Variants in CAMK2G observed in about 807,000 individuals in gnomAD.
The protein encoded by CAMK2G is calcium/calmodulin dependent protein kinase II gamma.
Under a neutral mutation model 88.7 loss-of-function variants are expected in CAMK2G, and 23 were observed. The ratio of observed to expected loss-of-function variants is 0.26; its 90% CI spans 0.19 to 0.37. The LOEUF (loss-of-function observed/expected upper bound fraction) is 0.37. Ranked by LOEUF, CAMK2G falls within the 10% of genes least tolerant of loss-of-function variation. The pLI is 1.00. For missense variants in CAMK2G, 476 were observed against 780.8 expected (o/e 0.61, Z 4.65); for synonymous variants, 263 against 294.8 (o/e 0.89, Z 1.11).
chr10:73,857,084 TG>T (rs2095090472), intron 3 of CAMK2G, among the ~76,000 whole-genome samples: 1 of 152,154 alleles, frequency 6.6e-6, no homozygotes, highest in Non-Finnish European at 1.5e-5. Context: ...ACCCCCACCA[TG>T]GGGGCAGGGA....
rs930318684 is a variant in CAMK2G, at chr10:73,831,737, G to A, written c.1054-3616C>T. On this transcript the variant is annotated intron_variant, in intron 14 of 22. Coordinates refer to ENST00000423381, the MANE Select transcript of CAMK2G (RefSeq NM_001367534.1). ...CAGCCGGGCGTGGTGGCACATGCCCGTATTCCCAGCTACTCAGGAGGCTGA... is the reference window on the plus strand; with the variant it reads ...CAGCCGGGCGTGGTGGCACATGCCCATATTCCCAGCTACTCAGGAGGCTGA... Among the ~76,000 whole-genome samples the A allele has an allele frequency of 5.3e-5, 8 of 151,214 alleles. No homozygotes were observed. In the East Asian group the frequency reaches 1.2e-3, roughly 22 times the overall value.
chr10:73,873,281 G>A, intron 1 of CAMK2G, 198 bp from the exon 2 acceptor site: 1 of 1,204,266 alleles, frequency 8.3e-7, no homozygotes, highest in Non-Finnish European at 1.1e-6. Context: ...CTGAACAGAT[G>A]TGGGTGGCGT....
At chr10:73,827,184 C>A (rs1249198953) in intron 15 of CAMK2G, among the ~76,000 whole-genome samples, 1 of 152,204 alleles carries the variant, frequency 6.6e-6, no homozygotes, top group Non-Finnish European at 1.5e-5. Context: ...AGTGGCCCCA[C>A]CTCTGGTTTA....
Position 73,848,726 on chromosome 10 carries a change from C to T in CAMK2G, c.518-117G>A, listed in dbSNP as rs2094422145. ...CTGCTGCTTTTGCTACATAAACTCT[C>T]AGCACATGGGCAGCAAGAGCTGACA... On this transcript the variant is annotated intron_variant, in intron 7 of 22. Coordinates refer to ENST00000423381, the MANE Select transcript of CAMK2G (RefSeq NM_001367534.1). This position sits in a 1 kb window ranked among gnomAD's most constrained non-coding sequence, Gnocchi z 4.5. The T allele has an allele frequency of 7.4e-6, 5 of 678,744 alleles. No individual in the cohort carries two copies. The highest frequency in any genetic ancestry group is 1.3e-5 in the Non-Finnish European group (5 of 384,472). 42.0% of individuals were successfully genotyped at this position (678,744 alleles called of 1,614,324 possible).
rs1041997142 is a variant in CAMK2G at position 73,815,095 on chromosome 10, G to T, written c.1687C>A (p.Arg563=). 1 of 1,614,090 alleles carries T rather than the reference G, an allele frequency of 6.2e-7. No homozygotes were observed. The highest frequency in any genetic ancestry group is 1.3e-5 in the African/African-American group (1 of 74,948). Residue 563 remains arginine (R), a synonymous_variant, in exon 22 of 23, where the codon CGG becomes AGG. Coordinates refer to ENST00000423381, the MANE Select transcript of CAMK2G (RefSeq NM_001367534.1). ...TTGCCATCCCGACGGTGCCAGACCC[G>T]GGTCTCTTCTGACTGGCTGGTGCGA... The part of the protein sequence containing the change: ...RPRTSQSEET[R]VWHRRDGKWL...
intron 21 of CAMK2G, chr10:73,816,528 T>G: frequency 1.2e-6 from 1 of 817,934 alleles, no homozygotes; most frequent in Non-Finnish European, 1.6e-6. Context: ...TGGCCTGATC[T>G]TGGCTCACTG....
At position 73,853,262 on chromosome 10, in the gene CAMK2G, T is replaced by C. The variant is rs1244072942; in HGVS notation, c.221-16A>G. ...TGGAGGCGCACTGCAAGAGAGGAGA[T>C]GGGGACAGAGATTAACAGAGAGAAA... On this transcript the variant is annotated splice_polypyrimidine_tract_variant and intron_variant, in intron 3 of 22. Coordinates refer to ENST00000423381, the MANE Select transcript of CAMK2G (RefSeq NM_001367534.1). 3 of 1,611,588 alleles carry C rather than the reference T, an allele frequency of 1.9e-6. No individual in the cohort carries two copies. The highest frequency in any genetic ancestry group is 2.2e-5 in the South Asian group (2 of 91,016).
In CAMK2G at chr10:73,847,297, G is replaced by A; in HGVS notation, c.747C>T (p.Ile249=). 1.2e-6 allele frequency: 2 copies of A among 1,614,156 alleles called. No homozygotes were observed. The highest frequency in any genetic ancestry group is 1.7e-6 in the Non-Finnish European group (2 of 1,179,978). ...DTVTPEAKNL[I]NQMLTINPAK... ...CTGGGTTTATGGTCAGCATCTGGTT[G>A]ATCAAGTTCTTGGCTTCAGGAGTTA... The change falls in exon 10 of 23, where the codon ATC becomes ATT. Residue 249 remains isoleucine (I), a synonymous_variant. Transcript: ENST00000423381.
intron 3 of CAMK2G, among the ~76,000 whole-genome samples, chr10:73,857,203 G>C (rs953991931): frequency 2.0e-5 from 3 of 152,198 alleles, no homozygotes; most frequent in African/African-American, 7.2e-5. Flanking sequence ...TAAATGGTCA[G>C]GCTTGAATAA....
chr10:73,841,357 G>T (rs2093768901), intron 12 of CAMK2G, among the ~76,000 whole-genome samples: 1 of 152,148 alleles, frequency 6.6e-6, no homozygotes, highest in Non-Finnish European at 1.5e-5. Context: ...AGGGGTTAGA[G>T]GGAGGGAGGA....
At chr10:73,871,385 G>C (rs1042566593) in intron 2 of CAMK2G, among the ~76,000 whole-genome samples, 4 of 152,140 alleles carry the variant, frequency 2.6e-5, no homozygotes, top group African/African-American at 7.2e-5. Context: ...TCACATCCCA[G>C]AATTCGGCTC....
intron 1 of CAMK2G, chr10:73,873,301 C>T (rs1371924922): frequency 2.3e-6 from 3 of 1,329,272 alleles, no homozygotes; most frequent in Non-Finnish European, 3.0e-6. Flanking sequence ...TGCCGCGCTC[C>T]CACCCCCTCA....
chr10:73,833,946 T>A (rs1458704851), intron 14 of CAMK2G, among the ~76,000 whole-genome samples: 13 of 105,826 alleles, frequency 1.2e-4, no homozygotes, highest in Middle Eastern at 0.016. Context: ...TGAGACGGAG[T>A]CTTGCTCTGT....
chr10:73,848,961 G>T lies in CAMK2G; in HGVS notation c.517+52C>A. On this transcript the variant is annotated intron_variant, in intron 7 of 22. Transcript: ENST00000423381. The surrounding 1 kb of genome is among the most constrained non-coding windows in gnomAD (Gnocchi z 4.5). The stretch of plus-strand genomic sequence containing the variant: ...GTTCTAATAGAGGAAGGCAGATCAG[G>T]AAGAGGAGGAAGGGCGGGGGCTGCA... 1 of 1,124,016 alleles carries T rather than the reference G, an allele frequency of 8.9e-7. No homozygotes were observed. Among genetic ancestry groups the T allele is most frequent in the Non-Finnish European group, 1.4e-6 (1 of 732,658 alleles). 69.6% of individuals were successfully genotyped at this position (1,124,016 alleles called of 1,614,324 possible). A position where few individuals can be genotyped will look rare whatever the true frequency, so the allele number is the denominator to read the frequency against.
Position 73,824,178 on chromosome 10 carries a change from C to T in CAMK2G, c.1156-94G>A. 5.7e-6 allele frequency: 5 copies of T among 884,736 alleles called. No individual in the cohort carries two copies. In the South Asian group the frequency reaches 6.8e-5, roughly 12 times the overall value. 54.8% of individuals were successfully genotyped at this position (884,736 alleles called of 1,614,324 possible). A position where few individuals can be genotyped will look rare whatever the true frequency, so the allele number is the denominator to read the frequency against. On this transcript the variant is annotated intron_variant, in intron 16 of 22. Transcript: ENST00000423381. Reference sequence around the variant, plus strand: ...ACCTGCACCCCAGGACCCCCGCAGACCCTATGATGACCACTGAGGCCTGCC... The same window carrying T: ...ACCTGCACCCCAGGACCCCCGCAGATCCTATGATGACCACTGAGGCCTGCC...
chr10:73,847,516 T>TA lies in CAMK2G; in HGVS notation c.697-170dup, dbSNP rs1455164465. Among the ~76,000 whole-genome samples the TA allele has an allele frequency of 5.3e-5, 8 of 152,300 alleles. No homozygotes were observed. The South Asian group carries it at 1.0e-3, about 20-fold the overall frequency. ...GGCTATTCCAGAACCTGTGTCAACT[T>TA]AAAGACTTGGAAAGACAGACAGAAC... is the stretch of plus-strand genomic sequence containing the variant. On this transcript the variant is annotated intron_variant, in intron 9 of 22. Coordinates refer to ENST00000423381, the MANE Select transcript of CAMK2G (RefSeq NM_001367534.1).
chr10:73,857,143 C>A (rs1316140509), intron 3 of CAMK2G, among the ~76,000 whole-genome samples: 3 of 152,140 alleles, frequency 2.0e-5, no homozygotes, highest in Non-Finnish European at 2.9e-5. Context: ...TATTTGCAAC[C>A]GTTTCTTTGC....
chr10:73,819,672 G>GGGCAA lies in CAMK2G; in HGVS notation c.1250-32_1250-28dup, dbSNP rs758793438. On this transcript the variant is annotated intron_variant, in intron 18 of 22. Coordinates refer to ENST00000423381, the MANE Select transcript of CAMK2G (RefSeq NM_001367534.1). ...TAGCCAGCCAGGGCAGGGCAGGGCA[G>GGGCAA]GGCAAGGCAGAGCAGCCAAAACAAA... 39 of 1,407,612 alleles carry GGGCAA rather than the reference G, an allele frequency of 2.8e-5. No homozygotes were observed. In the African/African-American group the frequency reaches 5.4e-4, roughly 19 times the overall value. 87.2% of individuals were successfully genotyped at this position (1,407,612 alleles called of 1,614,324 possible). A position where few individuals can be genotyped will look rare whatever the true frequency, so the allele number is the denominator to read the frequency against.
In CAMK2G at chr10:73,818,755, C is replaced by T. The variant is rs1198374156; in HGVS notation, c.1363+777G>A. 3 of 456,222 alleles carry T rather than the reference C, an allele frequency of 6.6e-6. No individual in the cohort carries two copies. In the East Asian group the frequency reaches 2.1e-4, roughly 32 times the overall value. The allele number at this position is 456,222 out of a possible 1,614,324, so 28.3% of individuals were successfully genotyped here. ...GGCAGGTGTGCACCCACAACACACA[C>T]ACCCTCTCCAACCCCACCAGACCCA... On this transcript the variant is annotated intron_variant, in intron 19 of 22. Transcript: ENST00000423381.
Sources: allele counts gnomAD v4.1 joint callset (sites outside exome capture counted in the v4.1 genomes callset), GRCh38; gene constraint gnomAD v4.1.1; non-coding constraint Gnocchi (gnomAD v3.1); transcripts MANE v1.5; gene names NCBI Gene and HGNC (gene_info 2026-07-23, HGNC 2026-07-21).